SGPP1: variants seen among roughly 807,000 people sequenced by gnomAD.
The protein encoded by SGPP1 is sphingosine-1-phosphate phosphatase 1.
In SGPP1, 21 loss-of-function variants were observed where a neutral mutation model predicts 33.0. The observed-to-expected ratio is 0.64, with a 90% CI of 0.45 to 0.92. SGPP1 has a LOEUF of 0.92. SGPP1 is among the 40% of genes least tolerant of loss of function. SGPP1 has a pLI of 0.00. For synonymous variants in SGPP1, 239 were observed against 241.2 expected (o/e 0.99, Z 0.08); for missense variants, 543 against 589.4 (o/e 0.92, Z 0.81).
intron 1 of SGPP1, among the ~76,000 whole-genome samples, chr14:63,714,779 G>A (rs893034304): frequency 5.4e-5 from 8 of 148,982 alleles, no homozygotes; most frequent in Non-Finnish European, 1.0e-4. Flanking sequence ...TCACTGAGTT[G>A]CCCAAGCTGG....
At position 63,686,133 on chromosome 14, in the gene SGPP1, T is replaced by A. The variant is rs74058052; in HGVS notation, c.1298A>T (p.Tyr433Phe). 248 of 1,603,722 alleles carry A rather than the reference T, an allele frequency of 1.5e-4. No homozygotes were observed. The African/African-American group carries it at 3.1e-3, about 20-fold the overall frequency. The change falls in exon 3 of 3, where the codon TAC (tyrosine) becomes TTC (phenylalanine). Residue 433 changes from tyrosine to phenylalanine, a missense_variant. Transcript: ENST00000247225. ...AGAGATACCAATAAAGAAAAATATGTAAGGAACAAAAAATGTGATGGAGAA... is the reference window on the plus strand; with the variant it reads ...AGAGATACCAATAAAGAAAAATATGAAAGGAACAAAAAATGTGATGGAGAA... Reference protein sequence around the residue: ...VGFSITFFVPYIFFFIGIS With the variant: ...VGFSITFFVPFIFFFIGIS
chr14:63,711,985 G>A (rs1024791518), intron 1 of SGPP1, among the ~76,000 whole-genome samples: 49 of 144,076 alleles, frequency 3.4e-4, no homozygotes, highest in African/African-American at 1.1e-3. Flanking sequence ...AGCCAAGATC[G>A]CACCACTGCA....
intron 1 of SGPP1, among the ~76,000 whole-genome samples, chr14:63,703,655 C>CAAAAA (rs36065588): frequency 2.1e-4 from 8 of 38,856 alleles, no homozygotes; most frequent in East Asian, 7.7e-4. Flanking sequence ...GACTCCATCT[C>CAAAAA]AAAAAAAAAA....
intron 2 of SGPP1, among the ~76,000 whole-genome samples, chr14:63,690,021 G>A (rs1302110041): frequency 6.6e-6 from 1 of 151,990 alleles, no homozygotes; most frequent in Non-Finnish European, 1.5e-5. Context: ...TTTGGGTTTT[G>A]GATTAGTTAA....
In SGPP1 at chr14:63,728,043, C is replaced by T. The variant is rs1885930906; in HGVS notation, c.-99G>A. On this transcript the variant is annotated 5_prime_UTR_variant, in exon 1 of 3. Transcript: ENST00000247225. ...GCAGCGGAACCGGCACAGCGCTCTA[C>T]CCTCCGGAGTCTGCCGGGTGACGGC... is the stretch of plus-strand genomic sequence containing the variant. 3 of 1,236,010 alleles carry T rather than the reference C, an allele frequency of 2.4e-6. No homozygotes were observed. Among genetic ancestry groups the T allele is most frequent in the African/African-American group, 1.6e-5 (1 of 63,508 alleles). 76.6% of individuals were successfully genotyped at this position (1,236,010 alleles called of 1,614,324 possible). A position where few individuals can be genotyped will look rare whatever the true frequency, so the allele number is the denominator to read the frequency against.
intron 2 of SGPP1, among the ~76,000 whole-genome samples, chr14:63,691,755 G>A (rs1885098125): frequency 1.3e-5 from 2 of 152,052 alleles, no homozygotes; most frequent in South Asian, 4.1e-4. Flanking sequence ...TGTACACCCT[G>A]GTTGAAAACA....
intron 1 of SGPP1, among the ~76,000 whole-genome samples, chr14:63,722,978 A>C (rs554243304): frequency 6.6e-6 from 1 of 152,140 alleles, no homozygotes; most frequent in South Asian, 2.1e-4. Context: ...TCTCAAAAAA[A>C]AAAAAAAAAA....
intron 2 of SGPP1, among the ~76,000 whole-genome samples, chr14:63,687,300 G>T (rs1885000286): frequency 1.3e-5 from 2 of 152,034 alleles, no homozygotes; most frequent in Admixed American, 1.3e-4. Flanking sequence ...AATTAGCCAG[G>T]TATGGTGGCT....
At chr14:63,703,658 A>C (rs1357575547) in intron 1 of SGPP1, among the ~76,000 whole-genome samples, 2 of 146,342 alleles carry the variant, frequency 1.4e-5, no homozygotes, top group East Asian at 3.9e-4. Flanking sequence ...TCCATCTCAA[A>C]AAAAAAAAAA....
intron 1 of SGPP1, among the ~76,000 whole-genome samples, chr14:63,722,715 C>T (rs2139656231): frequency 1.3e-5 from 2 of 151,836 alleles, no homozygotes; most frequent in South Asian, 4.2e-4. Flanking sequence ...CCTGTAATAC[C>T]AGCACTTTGG....
chr14:63,715,170 C>G (rs371595457), intron 1 of SGPP1, among the ~76,000 whole-genome samples: 2 of 151,818 alleles, frequency 1.3e-5, no homozygotes, highest in African/African-American at 4.8e-5. Context: ...CCTGCCACCA[C>G]GCCCAGCTAA....
Position 63,694,952 on chromosome 14 carries a change from A to AT in SGPP1, c.774+3616dup, listed in dbSNP as rs1002875461. Reference sequence around the variant, plus strand: ...GATTTATTAGGTATTAAATTTGAAAATTTTTTTCATTTATACTGATCAAAC... The same window carrying AT: ...GATTTATTAGGTATTAAATTTGAAAATTTTTTTTCATTTATACTGATCAAAC... On this transcript the variant is annotated intron_variant, in intron 2 of 2. Transcript: ENST00000247225. Among the ~76,000 whole-genome samples, 330 of 152,168 alleles carry AT rather than the reference A, an allele frequency of 2.2e-3. 1 individual carries two copies. Among genetic ancestry groups the AT allele is most frequent in the Non-Finnish European group, 3.3e-3 (223 of 67,998 alleles).
chr14:63,688,725 C>T lies in SGPP1; in HGVS notation c.775-2069G>A, dbSNP rs866484086. Among the ~76,000 whole-genome samples, 547 of 115,800 alleles carry T rather than the reference C, an allele frequency of 4.7e-3. 4 individuals carry two copies. The highest frequency in any genetic ancestry group is 0.016 in the African/African-American group (353 of 22,526). 76.0% of individuals were successfully genotyped at this position (115,800 alleles called of 152,430 possible). A position where few individuals can be genotyped will look rare whatever the true frequency, so the allele number is the denominator to read the frequency against. On this transcript the variant is annotated intron_variant, in intron 2 of 2. Transcript: ENST00000247225. Reference sequence around the variant, plus strand: ...AACAACCGTCATTTCTTTTTTTTTTCTTTTTTTTTTTTTTGAGATGGAGTC... The same window carrying T: ...AACAACCGTCATTTCTTTTTTTTTTTTTTTTTTTTTTTTTGAGATGGAGTC...
intron 1 of SGPP1, among the ~76,000 whole-genome samples, chr14:63,707,377 G>A (rs1295122976): frequency 6.6e-6 from 1 of 152,120 alleles, no homozygotes; most frequent in Non-Finnish European, 1.5e-5. Flanking sequence ...TGAAGAAAGA[G>A]TAGGGCTACA....
At chr14:63,723,061 AAATT>A (rs1312530860) in intron 1 of SGPP1, among the ~76,000 whole-genome samples, 12 of 152,120 alleles carry the variant, frequency 7.9e-5, no homozygotes, top group Admixed American at 3.3e-4. Flanking sequence ...TTTAAAAATT[AAATT>A]AATTCAAGTC....
intron 1 of SGPP1, among the ~76,000 whole-genome samples, chr14:63,707,040 C>CAAAA (rs747329924): frequency 1.5e-5 from 1 of 66,330 alleles, no homozygotes; most frequent in Non-Finnish European, 3.3e-5. Context: ...GACTCTGTCC[C>CAAAA]AAAAAAAAAA....
At chr14:63,726,308 T>A (rs1595075649) in intron 1 of SGPP1, among the ~76,000 whole-genome samples, 1 of 152,304 alleles carries the variant, frequency 6.6e-6, no homozygotes, top group East Asian at 1.9e-4. Context: ...ACTTTATTCT[T>A]AAAATAAGGG....
chr14:63,722,939 T>C, intron 1 of SGPP1, among the ~76,000 whole-genome samples: 1 of 146,592 alleles, frequency 6.8e-6, no homozygotes, highest in South Asian at 2.1e-4. Flanking sequence ...GCCACTGTAC[T>C]CCAGTCTGAG....
At chr14:63,691,779 G>A (rs1885098433) in intron 2 of SGPP1, among the ~76,000 whole-genome samples, 1 of 152,064 alleles carries the variant, frequency 6.6e-6, no homozygotes, top group African/African-American at 2.4e-5. Context: ...GCATTACACT[G>A]TTTTATTACA....
Sources: gnomAD v4.1 joint callset for allele counts (sites outside exome capture counted in the v4.1 genomes callset) on GRCh38, gnomAD v4.1.1 for gene constraint, MANE v1.5 for transcripts, NCBI Gene and HGNC (gene_info 2026-07-23, HGNC 2026-07-21) for gene names.